Variants in TRPC7 observed in about 807,000 individuals in gnomAD.
TRPC7 encodes the protein short transient receptor potential channel 7.
In TRPC7, 42 loss-of-function variants were observed where a neutral mutation model predicts 90.1. The ratio of observed to expected loss-of-function variants is 0.47; its 90% CI spans 0.36 to 0.60. The LOEUF (loss-of-function observed/expected upper bound fraction) is 0.60, where lower values mean the gene tolerates loss of function less well. Ranked by LOEUF, TRPC7 falls within the 20% of genes least tolerant of loss-of-function variation. TRPC7 has a pLI of 0.00. For synonymous variants in TRPC7, 451 were observed against 436.3 expected (o/e 1.03, Z -0.42); for missense variants, 955 against 1,112.3 (o/e 0.86, Z 2.01).
In TRPC7 at chr5:136,365,463, G is replaced by A. The variant is rs1308449299; in HGVS notation, c.-209C>T. 3 of 591,244 alleles carry A rather than the reference G, an allele frequency of 5.1e-6. No individual in the cohort carries two copies. The highest frequency in any genetic ancestry group is 4.3e-5 in the South Asian group (2 of 46,050). 36.6% of individuals were successfully genotyped at this position (591,244 alleles called of 1,614,324 possible). On this transcript the variant is annotated 5_prime_UTR_variant, in exon 1 of 12. Coordinates refer to ENST00000513104, the MANE Select transcript of TRPC7 (RefSeq NM_020389.3). ...TTGCAGTGGTAAAAACTCGCCTTCC[G>A]AGGCAGAACCGTGTTACCGTCCTTT...
intron 8 of TRPC7, among the ~76,000 whole-genome samples, chr5:136,230,873 G>A (rs959467798): frequency 1.3e-5 from 2 of 152,170 alleles, no homozygotes; most frequent in African/African-American, 2.4e-5. Flanking sequence ...TGGCCCCAGG[G>A]CATTGGAATT....
intron 7 of TRPC7, 127 bp from the exon 8 acceptor site, chr5:136,231,676 C>T: frequency 2.4e-6 from 2 of 850,586 alleles, no homozygotes; most frequent in Non-Finnish European, 3.6e-6. Context: ...TCAATCATGG[C>T]TCACTCTAGC....
chr5:136,348,350 C>T (rs1263178033), intron 2 of TRPC7, among the ~76,000 whole-genome samples: 2 of 152,232 alleles, frequency 1.3e-5, no homozygotes, highest in African/African-American at 4.8e-5. Context: ...TCCTTCCCTT[C>T]ACTGGGCTAT....
Position 136,251,746 on chromosome 5 carries a change from C to A in TRPC7, c.1482G>T (p.Leu494=). The change falls in exon 6 of 12, where the codon CTG becomes CTT. Residue 494 remains leucine (L), a synonymous_variant. Transcript: ENST00000513104. ...ASFTARFMAF[L]KATEAQLYVD... ...CGTACAGCTGTGCCTCCGTGGCCTT[C>A]AGGAAGGCCATGAAGCGTGCTGTGA... 6.2e-7 allele frequency: 1 copy of A among 1,613,922 alleles called. No individual in the cohort carries two copies. The highest frequency in any genetic ancestry group is 8.5e-7 in the Non-Finnish European group (1 of 1,179,876).
intron 7 of TRPC7, among the ~76,000 whole-genome samples, chr5:136,246,306 T>C (rs1489923255): frequency 6.6e-6 from 1 of 152,206 alleles, no homozygotes; most frequent in Non-Finnish European, 1.5e-5. Flanking sequence ...CAGCCAGGCA[T>C]GGAGAGCAGT....
intron 7 of TRPC7, among the ~76,000 whole-genome samples, chr5:136,234,879 A>C (rs6596299): frequency 0.64 from 96,729 of 151,990 alleles, 31,863 homozygotes; most frequent in African/African-American, 0.82. Flanking sequence ...CCTTATGGGC[A>C]GAGTTATGTC....
intron 3 of TRPC7, among the ~76,000 whole-genome samples, chr5:136,309,257 T>C (rs975682858): frequency 2.0e-5 from 3 of 152,344 alleles, no homozygotes; most frequent in African/African-American, 7.2e-5. Flanking sequence ...TGACTTTCTG[T>C]GTTACCATCA....
intron 3 of TRPC7, among the ~76,000 whole-genome samples, chr5:136,294,649 A>G (rs1048320644): frequency 6.6e-6 from 1 of 152,240 alleles, no homozygotes; most frequent in South Asian, 2.1e-4. Context: ...AACAGGTGCT[A>G]GAGAGGATGT....
chr5:136,308,340 A>G (rs1485097625), intron 3 of TRPC7, among the ~76,000 whole-genome samples: 8 of 152,232 alleles, frequency 5.3e-5, no homozygotes, highest in Non-Finnish European at 1.2e-4. Flanking sequence ...TTTGACACCA[A>G]TGGATTCCAA....
rs1219542014 is a variant in TRPC7 at position 136,247,784 on chromosome 5, A to T, written c.1580-49T>A. The T allele has an allele frequency of 1.3e-6, 2 of 1,570,064 alleles. No individual in the cohort carries two copies. The highest frequency in any genetic ancestry group is 2.4e-5 in the South Asian group (2 of 83,840). ...CTCACGAGGCCACAGGATCTATTCT[A>T]GAAGAGAAACCAGTTAGGCATCTTT... On this transcript the variant is annotated intron_variant, in intron 6 of 11. Coordinates refer to ENST00000513104, the MANE Select transcript of TRPC7 (RefSeq NM_020389.3). The surrounding 1 kb of genome is among the most constrained non-coding windows in gnomAD (Gnocchi z 4.2).
chr5:136,247,653 G>A lies in TRPC7; in HGVS notation c.1662C>T (p.Arg554=). The change falls in exon 7 of 12, where the codon CGC becomes CGT. Residue 554 remains arginine (R), a synonymous_variant. Coordinates refer to ENST00000513104, the MANE Select transcript of TRPC7 (RefSeq NM_020389.3). The surrounding 1 kb of genome is among the most constrained non-coding windows in gnomAD (Gnocchi z 4.2). ...YAIAVVLSFS[R]IAYILPANES... ...CGTTGGCTGGCAGAATGTATGCAATGCGAGAGAAGCTCAGCACGACGGCTA... is the reference window on the plus strand; with the variant it reads ...CGTTGGCTGGCAGAATGTATGCAATACGAGAGAAGCTCAGCACGACGGCTA... 6.2e-7 allele frequency: 1 copy of A among 1,614,018 alleles called. No individual in the cohort carries two copies. The highest frequency in any genetic ancestry group is 8.5e-7 in the Non-Finnish European group (1 of 1,179,898).
chr5:136,354,699 G>A (rs1323009633), intron 2 of TRPC7, among the ~76,000 whole-genome samples: 1 of 152,104 alleles, frequency 6.6e-6, no homozygotes, highest in Non-Finnish European at 1.5e-5. Context: ...TTTCCTACAA[G>A]ACAACCTTAA....
intron 3 of TRPC7, among the ~76,000 whole-genome samples, chr5:136,299,300 C>CAA (rs202095828): frequency 0.14 from 14,705 of 104,696 alleles, 982 homozygotes; most frequent in African/African-American, 0.16. Flanking sequence ...AATTCTGTCT[C>CAA]AAAAAAAAAA....
rs896081389 is a variant in TRPC7, at chr5:136,315,961, G to T, written c.781-182C>A. ...AAGGCGGGGCAATTTCTCTTGACAC[G>T]TGACCTGAAGGACATTTTCTCTAGG... On this transcript the variant is annotated intron_variant, in intron 2 of 11. Coordinates refer to ENST00000513104, the MANE Select transcript of TRPC7 (RefSeq NM_020389.3). 3 of 609,948 alleles carry T rather than the reference G, an allele frequency of 4.9e-6. No individual in the cohort carries two copies. In the South Asian group the frequency reaches 6.3e-5, roughly 13 times the overall value. 37.8% of individuals were successfully genotyped at this position (609,948 alleles called of 1,614,324 possible). A position where few individuals can be genotyped will look rare whatever the true frequency, so the allele number is the denominator to read the frequency against.
chr5:136,244,661 G>A (rs1010686932), intron 7 of TRPC7, among the ~76,000 whole-genome samples: 1 of 152,208 alleles, frequency 6.6e-6, no homozygotes, highest in Non-Finnish European at 1.5e-5. Flanking sequence ...TTCGTTTATC[G>A]GCTGACATCC....
intron 2 of TRPC7, among the ~76,000 whole-genome samples, chr5:136,322,573 A>G (rs1465918794): frequency 3.9e-5 from 6 of 152,094 alleles, no homozygotes; most frequent in Admixed American, 1.3e-4. Context: ...GGGTCTCACT[A>G]TATTGCCATG....
At chr5:136,221,174 T>C (rs892031897) in intron 10 of TRPC7, among the ~76,000 whole-genome samples, 1 of 152,068 alleles carries the variant, frequency 6.6e-6, no homozygotes, top group Non-Finnish European at 1.5e-5. Flanking sequence ...CCTTGCTATC[T>C]TCCATAGAGT....
chr5:136,295,053 C>T (rs1371184352), intron 3 of TRPC7, among the ~76,000 whole-genome samples: 2 of 151,856 alleles, frequency 1.3e-5, no homozygotes, highest in East Asian at 3.9e-4. Context: ...AAGCCAAACA[C>T]TGCATGTTCT....
At chr5:136,254,850 A>G (rs992519074) in intron 5 of TRPC7, among the ~76,000 whole-genome samples, 8 of 152,362 alleles carry the variant, frequency 5.3e-5, no homozygotes, top group Admixed American at 3.9e-4. Flanking sequence ...TGCCATTCAG[A>G]ACATTAGAGA....
Sources: gnomAD v4.1 joint callset for allele counts (sites outside exome capture counted in the v4.1 genomes callset) on GRCh38, gnomAD v4.1.1 for gene constraint, Gnocchi (gnomAD v3.1) non-coding constraint, MANE v1.5 for transcripts, NCBI Gene and HGNC (gene_info 2026-07-23, HGNC 2026-07-21) for gene names.